The following GMDS variants were observed in gnomAD, a reference collection of about 807,000 sequenced individuals.
GMDS encodes GDP-mannose 4,6-dehydratase, also known as GDP-mannose 4,6 dehydratase.
A neutral mutation model predicts 49.9 loss-of-function variants in GMDS; 20 were observed. The ratio of observed to expected loss-of-function variants is 0.40; its 90% CI spans 0.28 to 0.58. The LOEUF is 0.58. Ranked by LOEUF, GMDS falls within the 20% of genes least tolerant of loss-of-function variation. The probability of loss-of-function intolerance (pLI) is 0.42; values close to 1 mark genes in which losing one functional copy is unlikely to be tolerated. For missense variants in GMDS, 362 were observed against 481.4 expected (o/e 0.75, Z 2.32); for synonymous variants, 177 against 178.6 (o/e 0.99, Z 0.07).
intron 7 of GMDS, among the ~76,000 whole-genome samples, chr6:1,875,764 AC>A (rs1419629490): frequency 2.0e-5 from 3 of 152,130 alleles, no homozygotes; most frequent in African/African-American, 2.4e-5. Context: ...GGTGGCTCAC[AC>A]CCGTAATCCC....
At chr6:2,121,226 G>C (rs1311720442) in intron 2 of GMDS, among the ~76,000 whole-genome samples, 1 of 152,084 alleles carries the variant, frequency 6.6e-6, no homozygotes, top group Non-Finnish European at 1.5e-5. Context: ...TGGTCAACAG[G>C]GATAAAGGAG....
chr6:1,988,426 C>T (rs906898349), intron 4 of GMDS, among the ~76,000 whole-genome samples: 4 of 152,102 alleles, frequency 2.6e-5, no homozygotes, highest in African/African-American at 9.7e-5. Context: ...ATCCCACCCT[C>T]ATCTCCTCCC....
chr6:2,020,541 TA>T (rs1246964982), intron 4 of GMDS, among the ~76,000 whole-genome samples: 2 of 152,162 alleles, frequency 1.3e-5, no homozygotes, highest in Admixed American at 6.5e-5. Flanking sequence ...GTAAAAGTTG[TA>T]AAATTACTAC....
At chr6:2,177,905 A>G (rs1397775208) in intron 1 of GMDS, among the ~76,000 whole-genome samples, 1 of 152,214 alleles carries the variant, frequency 6.6e-6, no homozygotes, top group Non-Finnish European at 1.5e-5. Context: ...TCAACAGTGG[A>G]CTAGATAAAG....
At chr6:2,078,814 T>C (rs772636176) in intron 4 of GMDS, among the ~76,000 whole-genome samples, 14 of 151,996 alleles carry the variant, frequency 9.2e-5, no homozygotes, top group Admixed American at 1.3e-4. Flanking sequence ...TTTATAAATG[T>C]TTGTTAACTT....
intron 4 of GMDS, among the ~76,000 whole-genome samples, chr6:1,998,284 C>T (rs1468415783): frequency 1.3e-5 from 2 of 151,996 alleles, no homozygotes; most frequent in African/African-American, 4.8e-5. Context: ...CCATGAAATA[C>T]CAGATAAGAA....
intron 4 of GMDS, among the ~76,000 whole-genome samples, chr6:1,971,661 A>C (rs1402233157): frequency 1.3e-5 from 2 of 152,192 alleles, no homozygotes; most frequent in African/African-American, 4.8e-5. Flanking sequence ...ATGAGAGGCA[A>C]GGCTGCACAC....
At chr6:2,013,209 G>A (rs1057390992) in intron 4 of GMDS, among the ~76,000 whole-genome samples, 1 of 152,126 alleles carries the variant, frequency 6.6e-6, no homozygotes, top group African/African-American at 2.4e-5. Flanking sequence ...AGTTCTCAAG[G>A]TATCCTAGAC....
chr6:2,000,029 CTA>C (rs1387130250), intron 4 of GMDS, among the ~76,000 whole-genome samples: 6 of 8,050 alleles, frequency 7.5e-4, no homozygotes, highest in African/African-American at 1.1e-3. Context: ...ATATATATAT[CTA>C]TATCTTTTTT....
At chr6:1,761,160 T>C (rs1332395299) in intron 7 of GMDS, among the ~76,000 whole-genome samples, 1 of 152,082 alleles carries the variant, frequency 6.6e-6, no homozygotes, top group Non-Finnish European at 1.5e-5. Flanking sequence ...AGATTCAGAA[T>C]AAAAATCAAG....
intron 9 of GMDS, among the ~76,000 whole-genome samples, chr6:1,722,336 C>G (rs557619754): frequency 8.8e-4 from 134 of 151,468 alleles, no homozygotes; most frequent in African/African-American, 3.1e-3. Context: ...ATCTGCCCGC[C>G]TCGGCCTCCC....
At chr6:2,025,471 A>T (rs1768538533) in intron 4 of GMDS, among the ~76,000 whole-genome samples, 1 of 151,696 alleles carries the variant, frequency 6.6e-6, no homozygotes, top group Non-Finnish European at 1.5e-5. Flanking sequence ...TCAAGAAAAT[A>T]AATATTTAGA....
chr6:2,187,771 G>C (rs1778843190), intron 1 of GMDS, among the ~76,000 whole-genome samples: 1 of 152,156 alleles, frequency 6.6e-6, no homozygotes. Context: ...CACATTAGGA[G>C]AAAATGAAGA....
intron 7 of GMDS, among the ~76,000 whole-genome samples, chr6:1,767,452 T>C (rs1382718496): frequency 1.3e-5 from 2 of 152,190 alleles, no homozygotes; most frequent in Non-Finnish European, 2.9e-5. Flanking sequence ...GCCCTGTCCA[T>C]CTTTTCAAAT....
At chr6:1,756,897 G>C (rs775776595) in intron 7 of GMDS, among the ~76,000 whole-genome samples, 1 of 152,132 alleles carries the variant, frequency 6.6e-6, no homozygotes, top group South Asian at 2.1e-4. Flanking sequence ...CACTTCCTCC[G>C]CACGCATTGG....
intron 1 of GMDS, among the ~76,000 whole-genome samples, chr6:2,181,044 G>A (rs559801561): frequency 1.3e-5 from 2 of 151,828 alleles, no homozygotes; most frequent in African/African-American, 4.8e-5. Context: ...ACTACACCTG[G>A]GTGCCTGTAG....
intron 1 of GMDS, among the ~76,000 whole-genome samples, chr6:2,226,571 A>G (rs1215216611): frequency 6.6e-6 from 1 of 152,252 alleles, no homozygotes; most frequent in Non-Finnish European, 1.5e-5. Flanking sequence ...CTATCAGAAT[A>G]CACAGAAATG....
In GMDS at chr6:1,827,056, G is replaced by A. The variant is rs947073238; in HGVS notation, c.772-84470C>T. Among the ~76,000 whole-genome samples the A allele has an allele frequency of 2.0e-5, 3 of 147,648 alleles. No homozygotes were observed. In the Admixed American group the frequency reaches 2.1e-4, roughly 10 times the overall value. The stretch of plus-strand genomic sequence containing the variant: ...ATTCCAGCCTAAGCAGAAGAGCTAC[G>A]CTGTCTCTTAAAAAAATATATATGT... On this transcript the variant is annotated intron_variant, in intron 7 of 10. Coordinates refer to ENST00000380815, the MANE Select transcript of GMDS (RefSeq NM_001500.4).
intron 4 of GMDS, among the ~76,000 whole-genome samples, chr6:1,993,278 G>T (rs1016894767): frequency 6.6e-6 from 1 of 152,102 alleles, no homozygotes; most frequent in Non-Finnish European, 1.5e-5. Context: ...TTAGTCATGT[G>T]GGGGAATTCC....
Sources: gnomAD v4.1 joint callset for allele counts (sites outside exome capture counted in the v4.1 genomes callset) on GRCh38, gnomAD v4.1.1 for gene constraint, MANE v1.5 for transcripts, NCBI Gene and HGNC (gene_info 2026-07-23, HGNC 2026-07-21) for gene names.